Variants in MAGI1 observed in about 807,000 individuals in gnomAD.
MAGI1 encodes the protein membrane associated guanylate kinase, WW and PDZ domain containing 1.
Under a neutral mutation model 139.9 loss-of-function variants are expected in MAGI1, and 58 were observed. That is an observed-to-expected ratio of 0.41 (90% CI 0.34 to 0.52). The LOEUF (loss-of-function observed/expected upper bound fraction) is 0.52. Ranked by LOEUF, MAGI1 falls within the 20% of genes least tolerant of loss-of-function variation. The pLI, the probability that MAGI1 is intolerant of heterozygous loss-of-function variation, is 0.12. For synonymous variants in MAGI1, 812 were observed against 737.9 expected (o/e 1.10, Z -1.63); for missense variants, 1,874 against 1,901.6 (o/e 0.99, Z 0.27).
At chr3:65,867,478 T>C (rs918105746) in intron 1 of MAGI1, among the ~76,000 whole-genome samples, 1 of 152,150 alleles carries the variant, frequency 6.6e-6, no homozygotes, top group African/African-American at 2.4e-5. Context: ...CTCACGCCTG[T>C]AATCCTAGCA....
intron 1 of MAGI1, among the ~76,000 whole-genome samples, chr3:65,839,357 A>G (rs1021611052): frequency 6.6e-6 from 1 of 152,188 alleles, no homozygotes; most frequent in African/African-American, 2.4e-5. Context: ...CAGTTAATGT[A>G]TTTATTATAT....
chr3:65,653,412 G>A (rs2107327360), intron 1 of MAGI1, among the ~76,000 whole-genome samples: 1 of 152,154 alleles, frequency 6.6e-6, no homozygotes, highest in Middle Eastern at 3.4e-3. Flanking sequence ...ATTCTTTCAT[G>A]GGCTTTCCGA....
At chr3:65,421,615 G>A (rs1274051658) in intron 12 of MAGI1, among the ~76,000 whole-genome samples, 5 of 152,206 alleles carry the variant, frequency 3.3e-5, no homozygotes, top group South Asian at 2.1e-4. Context: ...AGTTTTTCTC[G>A]TGTTTTGAGG....
At chr3:65,918,659 G>A (rs1448814350) in intron 1 of MAGI1, among the ~76,000 whole-genome samples, 6 of 152,098 alleles carry the variant, frequency 3.9e-5, no homozygotes, top group Non-Finnish European at 4.4e-5. Context: ...GATTACAGGT[G>A]TGAGCCACCG....
At chr3:65,620,864 G>A (rs951686071) in intron 2 of MAGI1, among the ~76,000 whole-genome samples, 3 of 152,164 alleles carry the variant, frequency 2.0e-5, no homozygotes, top group African/African-American at 7.2e-5. Context: ...GGCTATTCTA[G>A]AATCTGATCT....
At chr3:65,437,098 A>G (rs971828403) in intron 10 of MAGI1, 57 bp downstream of exon 10, 4 of 1,285,664 alleles carry the variant, frequency 3.1e-6, no homozygotes, top group Non-Finnish European at 4.4e-6. Flanking sequence ...AAATACCTTA[A>G]AAAAAATTAG....
intron 1 of MAGI1, among the ~76,000 whole-genome samples, chr3:65,836,399 A>G (rs1323314029): frequency 6.6e-6 from 1 of 152,232 alleles, no homozygotes; most frequent in African/African-American, 2.4e-5. Flanking sequence ...TCTAAAGTAT[A>G]AAATGGCTGA....
At chr3:65,713,624 A>G (rs775463477) in intron 1 of MAGI1, among the ~76,000 whole-genome samples, 7 of 152,140 alleles carry the variant, frequency 4.6e-5, no homozygotes, top group Non-Finnish European at 8.8e-5. Context: ...GTTAAGCACA[A>G]GGCTTAAGAG....
Position 65,981,575 on chromosome 3 carries a change from T to C in MAGI1, c.313+56421A>G, listed in dbSNP as rs145959478. Among the ~76,000 whole-genome samples, 522 of 152,280 alleles carry C rather than the reference T, an allele frequency of 3.4e-3. 3 individuals are homozygous for C. The highest frequency in any genetic ancestry group is 0.012 in the African/African-American group (478 of 41,556). On this transcript the variant is annotated intron_variant, in intron 1 of 22. Transcript: ENST00000402939. Reference sequence around the variant, plus strand: ...AGATATATGTGGTTAGTACTTCATATGGTTTGGCTGTGTCCTCACCCTTCT... The same window carrying C: ...AGATATATGTGGTTAGTACTTCATACGGTTTGGCTGTGTCCTCACCCTTCT...
intron 1 of MAGI1, among the ~76,000 whole-genome samples, chr3:65,947,488 A>T (rs1369828964): frequency 6.6e-6 from 1 of 152,224 alleles, no homozygotes; most frequent in African/African-American, 2.4e-5. Flanking sequence ...ATATTTTTAA[A>T]TCATCAAATG....
intron 1 of MAGI1, among the ~76,000 whole-genome samples, chr3:65,813,404 G>C (rs1044698567): frequency 1.3e-5 from 2 of 151,902 alleles, no homozygotes; most frequent in East Asian, 3.9e-4. Flanking sequence ...AAGAAAACAA[G>C]GAAATAGGAA....
At chr3:65,865,609 A>G (rs894596535) in intron 1 of MAGI1, among the ~76,000 whole-genome samples, 2 of 152,202 alleles carry the variant, frequency 1.3e-5, no homozygotes, top group African/African-American at 4.8e-5. Flanking sequence ...AAATAAAAAT[A>G]AAAAATAAGC....
intron 1 of MAGI1, among the ~76,000 whole-genome samples, chr3:66,034,136 TG>T (rs1394240423): frequency 6.6e-6 from 1 of 152,094 alleles, no homozygotes; most frequent in Non-Finnish European, 1.5e-5. Context: ...AAACACCCCA[TG>T]GTTGTTACCC....
intron 1 of MAGI1, among the ~76,000 whole-genome samples, chr3:65,969,350 G>A (rs1167816306): frequency 6.6e-6 from 1 of 152,160 alleles, no homozygotes; most frequent in East Asian, 1.9e-4. Flanking sequence ...TCTGTGTTAG[G>A]GGCTGGGGGG....
At chr3:65,570,631 G>A (rs1287388699) in intron 2 of MAGI1, among the ~76,000 whole-genome samples, 2 of 152,018 alleles carry the variant, frequency 1.3e-5, no homozygotes, top group East Asian at 3.8e-4. Flanking sequence ...AAAATAATTC[G>A]GTGGCAGGAA....
At chr3:65,696,708 T>A (rs1315334116) in intron 1 of MAGI1, among the ~76,000 whole-genome samples, 1 of 152,074 alleles carries the variant, frequency 6.6e-6, no homozygotes, top group Non-Finnish European at 1.5e-5. Flanking sequence ...ACATTTGGAT[T>A]CTCAACAAAA....
At chr3:65,392,817 G>A (rs1944039878) in intron 13 of MAGI1, among the ~76,000 whole-genome samples, 1 of 152,198 alleles carries the variant, frequency 6.6e-6, no homozygotes, top group African/African-American at 2.4e-5. Context: ...GTATTGGCAA[G>A]GATTCAAAAT....
chr3:65,728,121 C>A lies in MAGI1; in HGVS notation c.314-106033G>T, dbSNP rs76185474. 4.6e-5 allele frequency among the ~76,000 whole-genome samples: 7 copies of A among 152,218 alleles called. No homozygotes were observed. In the East Asian group the frequency reaches 1.4e-3, roughly 29 times the overall value. ...CCACACTCAGGAAGGGTCTGGAAGT[C>A]TGGAAGGCTATTCTAAGGAGGTGGC... On this transcript the variant is annotated intron_variant, in intron 1 of 22. Coordinates refer to ENST00000402939, the MANE Select transcript of MAGI1 (RefSeq NM_001033057.2).
At chr3:65,389,081 G>C (rs1943686073) in intron 14 of MAGI1, among the ~76,000 whole-genome samples, 1 of 151,690 alleles carries the variant, frequency 6.6e-6, no homozygotes, top group African/African-American at 2.4e-5. Context: ...CTGACTTCGT[G>C]ATCCGCCCGC....
Sources: gnomAD v4.1 joint callset for allele counts (sites outside exome capture counted in the v4.1 genomes callset) on GRCh38, gnomAD v4.1.1 for gene constraint, MANE v1.5 for transcripts, NCBI Gene and HGNC (gene_info 2026-07-23, HGNC 2026-07-21) for gene names.